The following DNAH7 variants were observed in gnomAD, a reference collection of about 807,000 sequenced individuals.
DNAH7 encodes axonemal beta dynein heavy chain 7.
Under a neutral mutation model 444.6 loss-of-function variants are expected in DNAH7, and 397 were observed. That is an observed-to-expected ratio of 0.89 (90% confidence interval 0.82 to 0.97). DNAH7 has a LOEUF of 0.97. DNAH7 is among the 50% of genes least tolerant of loss of function. The pLI is 0.00. For synonymous variants in DNAH7, 1,636 were observed against 1,624.4 expected, an observed-to-expected ratio of 1.01 and a Z score of -0.17; for missense variants, 4,902 against 4,800.8, an observed-to-expected ratio of 1.02 and a Z score of -0.62.
At position 195,806,740 on chromosome 2, in the gene DNAH7, C is replaced by T; in HGVS notation, c.10176G>A (p.Lys3392=). The change falls in exon 54 of 65, where the codon AAG becomes AAA. Residue 3392 remains lysine, a splice_region_variant and synonymous_variant. Coordinates refer to ENST00000312428, the MANE Select transcript of DNAH7 (RefSeq NM_018897.3). ...MLIIRCLRPD[K]VIPMLQEFII... ...AGCTGTTTTCAAAGCCCACATTTACCTTGTCTGGCCTCAAGCAACGAATAA... is the reference window on the plus strand; with the variant it reads ...AGCTGTTTTCAAAGCCCACATTTACTTTGTCTGGCCTCAAGCAACGAATAA... The T allele has an allele frequency of 1.9e-6, 3 of 1,612,808 alleles. No homozygotes were observed. Among genetic ancestry groups the T allele is most frequent in the Non-Finnish European group, 2.5e-6 (3 of 1,179,146 alleles).
intron 5 of DNAH7, among the ~76,000 whole-genome samples, chr2:196,030,400 A>G (rs1695977162): frequency 6.6e-6 from 1 of 152,220 alleles, no homozygotes; most frequent in Non-Finnish European, 1.5e-5. Flanking sequence ...GGAGGCACAG[A>G]GCCAAGCCAT....
chr2:196,017,766 T>C (rs1464153804), intron 9 of DNAH7, among the ~76,000 whole-genome samples: 2 of 152,080 alleles, frequency 1.3e-5, no homozygotes. Context: ...AAAATAAAAA[T>C]GAATTTCATT....
At chr2:196,041,247 T>A (rs1399239109) in intron 5 of DNAH7, among the ~76,000 whole-genome samples, 1 of 151,600 alleles carries the variant, frequency 6.6e-6, no homozygotes, top group East Asian at 1.9e-4. Flanking sequence ...ATAGCCCTAA[T>A]CCTTAACAAC....
Position 195,816,994 on chromosome 2 carries a change from A to C in DNAH7, c.9426-31T>G. 2.0e-6 allele frequency: 3 copies of C among 1,489,620 alleles called. 1 individual carries two copies. Among genetic ancestry groups the C allele is most frequent in the Non-Finnish European group, 9.0e-7 (1 of 1,107,442 alleles). The allele number at this position is 1,489,620 out of a possible 1,614,324, so 92.3% of individuals were successfully genotyped here. ...ATAAAACAAAATTTTCTTAGAAGAA[A>C]AAGAAGTCATTTAAAATCATTTCAC... On this transcript the variant is annotated intron_variant, in intron 50 of 64. Transcript: ENST00000312428.
intron 20 of DNAH7, 45 bp downstream of exon 20, chr2:195,936,554 T>G: frequency 7.2e-7 from 1 of 1,394,206 alleles, no homozygotes; most frequent in Non-Finnish European, 9.7e-7. Context: ...AAATTAAGTT[T>G]AAGCAGATAA....
chr2:195,854,843 G>T (rs553478336), intron 45 of DNAH7, among the ~76,000 whole-genome samples: 1 of 152,160 alleles, frequency 6.6e-6, no homozygotes, highest in East Asian at 1.9e-4. Context: ...ACCATTTGTT[G>T]GTTATATTAT....
At chr2:195,996,126 TATC>T (rs557498424) in intron 12 of DNAH7, among the ~76,000 whole-genome samples, 3 of 152,012 alleles carry the variant, frequency 2.0e-5, no homozygotes, top group South Asian at 2.1e-4. Flanking sequence ...TGCAATGTCA[TATC>T]ATCATAATCT....
At chr2:196,048,972 G>C (rs972171362) in intron 3 of DNAH7, among the ~76,000 whole-genome samples, 5 of 152,198 alleles carry the variant, frequency 3.3e-5, no homozygotes, top group African/African-American at 1.2e-4. Context: ...GCAGAGGAGA[G>C]AGCACCTTCA....
intron 22 of DNAH7, among the ~76,000 whole-genome samples, chr2:195,925,172 G>C (rs1377380230): frequency 6.6e-6 from 1 of 151,676 alleles, no homozygotes; most frequent in Non-Finnish European, 1.5e-5. Flanking sequence ...GTTTTCAAAG[G>C]TTTGGTGCCT....
intron 21 of DNAH7, among the ~76,000 whole-genome samples, chr2:195,930,154 T>C (rs1688596338): frequency 6.6e-6 from 1 of 151,912 alleles, no homozygotes; most frequent in East Asian, 1.9e-4. Flanking sequence ...ACCATCCTGG[T>C]CAACACGATG....
At chr2:196,004,462 G>C (rs1694237041) in intron 10 of DNAH7, among the ~76,000 whole-genome samples, 1 of 152,058 alleles carries the variant, frequency 6.6e-6, no homozygotes, top group African/African-American at 2.4e-5. Context: ...ATAACAGAAA[G>C]ACACTTAGAA....
At chr2:196,041,274 C>T (rs1046889879) in intron 5 of DNAH7, among the ~76,000 whole-genome samples, 1 of 151,688 alleles carries the variant, frequency 6.6e-6, no homozygotes, top group South Asian at 2.1e-4. Flanking sequence ...AACAAAAAGA[C>T]CAAAAATGGA....
intron 19 of DNAH7, among the ~76,000 whole-genome samples, chr2:195,939,656 G>A (rs909740847): frequency 6.6e-6 from 1 of 152,088 alleles, no homozygotes; most frequent in African/African-American, 2.4e-5. Flanking sequence ...TTGGTTAAAA[G>A]AACACTGACT....
intron 27 of DNAH7, chr2:195,902,694 C>G (rs1380666855): frequency 6.6e-6 from 1 of 152,068 alleles, no homozygotes; most frequent in Non-Finnish European, 1.5e-5. Context: ...ATATTTCTGA[C>G]TAGTAGAACA....
At chr2:195,934,263 A>AGGCAAGAC (rs2125404733) in intron 21 of DNAH7, among the ~76,000 whole-genome samples, 1 of 152,328 alleles carries the variant, frequency 6.6e-6, no homozygotes, top group East Asian at 1.9e-4. Flanking sequence ...GGTGCTTCCA[A>AGGCAAGAC]GGCAAGACTA....
At position 195,820,451 on chromosome 2, in the gene DNAH7, TTAAAG is replaced by T. The variant is rs536105588; in HGVS notation, c.9292-2627_9292-2623del. On this transcript the variant is annotated intron_variant, in intron 49 of 64. Transcript: ENST00000312428. ...ACGCTCTGCACATGTATCCCAGAAC[TTAAAG>T]TAAAATTAAAAAAAAAAAAAAGAAA... Among the ~76,000 whole-genome samples the T allele has an allele frequency of 2.3e-3, 342 of 151,056 alleles. 3 individuals carry two copies. Among genetic ancestry groups the T allele is most frequent in the African/African-American group, 8.0e-3 (328 of 41,066 alleles).
intron 36 of DNAH7, among the ~76,000 whole-genome samples, chr2:195,877,853 A>T (rs1489084446): frequency 6.6e-6 from 1 of 152,230 alleles, no homozygotes; most frequent in African/African-American, 2.4e-5. Flanking sequence ...CTAAAATGGA[A>T]GTTCTTTAAA....
chr2:196,000,973 A>G (rs376450089), intron 11 of DNAH7, 90 bp from the exon 12 acceptor site: 2 of 1,027,276 alleles, frequency 1.9e-6, no homozygotes, highest in African/African-American at 3.3e-5. Context: ...ATACATGGGA[A>G]CCCACACTTT....
Position 195,860,848 on chromosome 2 carries a change from T to A in DNAH7, c.7736+869A>T, listed in dbSNP as rs567817407. Among the ~76,000 whole-genome samples the A allele has an allele frequency of 7.9e-5, 12 of 152,284 alleles. 1 individual carries two copies. In the South Asian group the frequency reaches 2.5e-3, roughly 32 times the overall value. ...ATCAGGCTTGAGCTTTCAATATAAA[T>A]CATGTGTCTGAGCAGTAAATTTACA... On this transcript the variant is annotated intron_variant, in intron 42 of 64. Transcript: ENST00000312428.
Sources: allele counts gnomAD v4.1 joint callset (sites outside exome capture counted in the v4.1 genomes callset), GRCh38; gene constraint gnomAD v4.1.1; transcripts MANE v1.5; gene names NCBI Gene and HGNC (gene_info 2026-07-23, HGNC 2026-07-21).